CERK: variants seen among roughly 807,000 people sequenced by gnomAD.
CERK encodes the protein acylsphingosine kinase.
CERK carries 39 observed loss-of-function variants against 63.4 expected under a neutral mutation model. The observed-to-expected ratio is 0.61, with a 90% CI of 0.48 to 0.80. The LOEUF (loss-of-function observed/expected upper bound fraction) is 0.80. Among genes scored for constraint, CERK ranks in the 30% least tolerant of loss-of-function variants. The pLI is 0.00. For missense variants in CERK, 670 were observed against 714.1 expected (o/e 0.94, Z 0.70); for synonymous variants, 302 against 280.0 (o/e 1.08, Z -0.78).
intron 1 of CERK, among the ~76,000 whole-genome samples, 181 bp downstream of exon 1, chr22:46,737,826 C>T (rs1397030096): frequency 6.6e-6 from 1 of 152,076 alleles, no homozygotes; most frequent in African/African-American, 2.4e-5. Context: ...GCGCACAGCC[C>T]GGCCCCTGGC....
chr22:46,712,280 C>A lies in CERK; in HGVS notation c.393G>T (p.Lys131Asn), dbSNP rs762002161. 2.5e-6 allele frequency: 4 copies of A among 1,613,860 alleles called. No homozygotes were observed. The South Asian group carries it at 4.4e-5, about 18-fold the overall frequency. ...EMLEKLTSRP[K>N]HLLVFINPFG... ...ACGGGTTGATAAATACCAGTAAATG[C>A]TTTGGTCTGGACGCTGTAAGACAAC... The change falls in exon 4 of 13, where the codon AAG becomes AAT. Residue 131 changes from lysine (K) to asparagine (N), a missense_variant. Transcript: ENST00000216264.
chr22:46,702,223 ATG>A (rs34222392), intron 6 of CERK, among the ~76,000 whole-genome samples: 7,717 of 84,496 alleles, frequency 0.091, 334 homozygotes, highest in African/African-American at 0.13. Context: ...AAATATATAT[ATG>A]TGTGTGTGTG....
chr22:46,738,135 C>T lies in CERK; in HGVS notation c.14G>A (p.Gly5Glu). ...CACGGATTGCAGCGGCTCCGCCGCCCCCGTCGCCCCCATCTCCGCCGCCGG... is the reference window on the plus strand; with the variant it reads ...CACGGATTGCAGCGGCTCCGCCGCCTCCGTCGCCCCCATCTCCGCCGCCGG... MGAT[G>E]AAEPLQSVLW... The change falls in exon 1 of 13, where the codon GGG (glycine) becomes GAG (glutamate). Residue 5 changes from glycine (G) to glutamate (E), a missense_variant. Gly to Glu is a moderately conservative substitution (Grantham distance 98). Transcript: ENST00000216264. The T allele has an allele frequency of 1.6e-6, 2 of 1,215,374 alleles. No homozygotes were observed. Among genetic ancestry groups the T allele is most frequent in the Non-Finnish European group, 2.1e-6 (2 of 974,310 alleles). The allele number at this position is 1,215,374 out of a possible 1,614,324, so 75.3% of individuals were successfully genotyped here.
Position 46,714,985 on chromosome 22 carries a change from G to GAA in CERK, c.380-2694_380-2693dup, listed in dbSNP as rs369108537. Among the ~76,000 whole-genome samples the GAA allele has an allele frequency of 5.7e-5, 8 of 140,106 alleles. No homozygotes were observed. The highest frequency in any genetic ancestry group is 2.1e-4 in the African/African-American group (8 of 38,598). 91.9% of individuals were successfully genotyped at this position (140,106 alleles called of 152,430 possible). On this transcript the variant is annotated intron_variant, in intron 3 of 12. Transcript: ENST00000216264. This position sits in a 1 kb window ranked among gnomAD's most constrained non-coding sequence, Gnocchi z 4.4. The stretch of plus-strand genomic sequence containing the variant: ...ATTAATGTAACTCAACACATTAATT[G>GAA]AAAAAAAAAAAGAAAGTCATACAGT...
At chr22:46,689,793 C>G (rs962523502) in intron 12 of CERK, among the ~76,000 whole-genome samples, 199 bp downstream of exon 12, 8 of 152,202 alleles carry the variant, frequency 5.3e-5, no homozygotes, top group Non-Finnish European at 1.0e-4. Context: ...ACTCGGCACC[C>G]TGGCATCTTT....
chr22:46,729,326 T>G (rs2082934449), intron 1 of CERK, among the ~76,000 whole-genome samples: 1 of 152,154 alleles, frequency 6.6e-6, no homozygotes, highest in Admixed American at 6.6e-5. Context: ...GCCACTGCAC[T>G]CCAGCCTGGG....
chr22:46,713,522 A>AC lies in CERK; in HGVS notation c.380-1230_380-1229insG, dbSNP rs1296810839. 5.4e-5 allele frequency among the ~76,000 whole-genome samples: 8 copies of AC among 149,178 alleles called. 1 individual carries two copies. The highest frequency in any genetic ancestry group is 8.9e-5 in the Non-Finnish European group (6 of 67,754). Reference sequence around the variant, plus strand: ...AGACTTCATCTCAAAAAAAAAAAAAAAAAAAAACAAACAAACAAAAAAACA... The same window carrying AC: ...AGACTTCATCTCAAAAAAAAAAAAAACAAAAAAACAAACAAACAAAAAAACA... On this transcript the variant is annotated intron_variant, in intron 3 of 12. Coordinates refer to ENST00000216264, the MANE Select transcript of CERK (RefSeq NM_022766.6).
chr22:46,693,204 G>C (rs1468084773), intron 10 of CERK, among the ~76,000 whole-genome samples: 1 of 152,146 alleles, frequency 6.6e-6, no homozygotes, highest in Non-Finnish European at 1.5e-5. Context: ...TTCAGAAAGG[G>C]TAACGGGGCC....
chr22:46,722,076 C>G (rs980710534), intron 1 of CERK, among the ~76,000 whole-genome samples: 93 of 152,116 alleles, frequency 6.1e-4, no homozygotes, highest in African/African-American at 2.2e-3. Flanking sequence ...AAAGCTTATT[C>G]TGGAATTACT....
chr22:46,723,798 A>G (rs993484910), intron 1 of CERK, among the ~76,000 whole-genome samples: 5 of 151,788 alleles, frequency 3.3e-5, no homozygotes, highest in African/African-American at 7.3e-5. Flanking sequence ...CCCAGGTTCA[A>G]GTGATTCTCC....
chr22:46,704,971 G>T (rs1474363541), intron 6 of CERK, among the ~76,000 whole-genome samples: 1 of 152,122 alleles, frequency 6.6e-6, no homozygotes, highest in African/African-American at 2.4e-5. Flanking sequence ...CATAATGAAA[G>T]AAATACAAAT....
chr22:46,699,472 G>T lies in CERK; in HGVS notation c.791-7C>A, dbSNP rs2082772624. Reference sequence around the variant, plus strand: ...TCCATGGCCAGCGAGTCCCCTGTGGGAGAGAACGGCCGTGAGGGAAGGCAG... The same window carrying T: ...TCCATGGCCAGCGAGTCCCCTGTGGTAGAGAACGGCCGTGAGGGAAGGCAG... On this transcript the variant is annotated splice_polypyrimidine_tract_variant and splice_region_variant and intron_variant, in intron 7 of 12. Coordinates refer to ENST00000216264, the MANE Select transcript of CERK (RefSeq NM_022766.6). 6.2e-7 allele frequency: 1 copy of T among 1,613,938 alleles called. No individual in the cohort carries two copies. The highest frequency in any genetic ancestry group is 8.5e-7 in the Non-Finnish European group (1 of 1,179,892).
At chr22:46,729,279 G>A (rs1045049715) in intron 1 of CERK, among the ~76,000 whole-genome samples, 4 of 152,136 alleles carry the variant, frequency 2.6e-5, no homozygotes, top group Admixed American at 1.3e-4. Flanking sequence ...GTAGGAGGAC[G>A]GCTTGTGCTC....
chr22:46,724,786 A>G (rs547435485), intron 1 of CERK, among the ~76,000 whole-genome samples: 67 of 152,192 alleles, frequency 4.4e-4, no homozygotes, highest in African/African-American at 1.2e-3. Context: ...TTGGGAGGCT[A>G]AGGTGGGCGG....
intron 1 of CERK, among the ~76,000 whole-genome samples, chr22:46,733,503 AG>A (rs1569332148): frequency 6.6e-6 from 1 of 151,040 alleles, no homozygotes; most frequent in Non-Finnish European, 1.5e-5. Flanking sequence ...CATGTTGGGC[AG>A]GCTGGTCACG....
chr22:46,701,528 G>T, intron 7 of CERK, 108 bp downstream of exon 7: 1 of 921,344 alleles, frequency 1.1e-6, no homozygotes, highest in Non-Finnish European at 1.6e-6. Flanking sequence ...CCCACGGCCA[G>T]GACAGGACGG....
intron 12 of CERK, among the ~76,000 whole-genome samples, chr22:46,688,069 C>T (rs980777448): frequency 5.3e-5 from 8 of 152,090 alleles, no homozygotes; most frequent in African/African-American, 1.4e-4. Context: ...TGGTGGCGGG[C>T]GCCTGCTACT....
intron 1 of CERK, among the ~76,000 whole-genome samples, chr22:46,731,818 T>C (rs1601732328): frequency 6.6e-6 from 1 of 152,110 alleles, no homozygotes; most frequent in East Asian, 1.9e-4. Flanking sequence ...GGAAGAACTT[T>C]GTAGCAGGGC....
intron 6 of CERK, among the ~76,000 whole-genome samples, chr22:46,703,320 A>C (rs1475880566): frequency 1.3e-5 from 2 of 152,026 alleles, no homozygotes; most frequent in African/African-American, 4.8e-5. Context: ...CACCCTCCAG[A>C]TCTCAGGACC....
Sources: gnomAD v4.1 joint callset for allele counts (sites outside exome capture counted in the v4.1 genomes callset) on GRCh38, gnomAD v4.1.1 for gene constraint, Gnocchi (gnomAD v3.1) non-coding constraint, MANE v1.5 for transcripts, NCBI Gene and HGNC (gene_info 2026-07-23, HGNC 2026-07-21) for gene names.